The following EDF1 variants were observed in gnomAD, a reference collection of about 807,000 sequenced individuals.
EDF1 encodes endothelial differentiation-related factor 1.
Under a neutral mutation model 20.8 loss-of-function variants are expected in EDF1, and 5 were observed. The ratio of observed to expected loss-of-function variants is 0.24; its 90% CI spans 0.13 to 0.51. The LOEUF (loss-of-function observed/expected upper bound fraction) is 0.51, where lower values mean the gene tolerates loss of function less well. Among genes scored for constraint, EDF1 ranks in the 20% least tolerant of loss-of-function variants. The pLI is 0.97. For missense variants in EDF1, 137 were observed against 197.8 expected (o/e 0.69, Z 1.84); for synonymous variants, 96 against 78.5 (o/e 1.22, Z -1.18).
In EDF1 at chr9:136,863,031, C is replaced by G. The variant is rs1468398189; in HGVS notation, c.292-32G>C. 2.5e-6 allele frequency: 4 copies of G among 1,612,594 alleles called. No individual in the cohort carries two copies. In the East Asian group the frequency reaches 8.9e-5, roughly 36 times the overall value. On this transcript the variant is annotated intron_variant, in intron 3 of 4. Coordinates refer to ENST00000224073, the MANE Select transcript of EDF1 (RefSeq NM_003792.4). The surrounding 1 kb of genome is among the most constrained non-coding windows in gnomAD (Gnocchi z 4.5). Reference sequence around the variant, plus strand: ...AGAAGATGTGCTTTATACACATCAGCTCCACTAGGACTGCTGCAAAACCAG... The same window carrying G: ...AGAAGATGTGCTTTATACACATCAGGTCCACTAGGACTGCTGCAAAACCAG...
intron 1 of EDF1, among the ~76,000 whole-genome samples, chr9:136,865,217 A>G (rs1849191390): frequency 6.6e-6 from 1 of 152,074 alleles, no homozygotes; most frequent in Non-Finnish European, 1.5e-5. Flanking sequence ...TGTCCTCCCT[A>G]TTACATCAGA....
In EDF1 at chr9:136,862,397, C is replaced by G. The variant is rs778990964; in HGVS notation, c.386-52G>C. On this transcript the variant is annotated intron_variant, in intron 4 of 4. Transcript: ENST00000224073. This position sits in a 1 kb window ranked among gnomAD's most constrained non-coding sequence, Gnocchi z 4.1. Reference sequence around the variant, plus strand: ...CTGCAGCACCAGCTCCCTCCTCCCCCCAACGCTGCCCCTCTTCAACATCTT... The same window carrying G: ...CTGCAGCACCAGCTCCCTCCTCCCCGCAACGCTGCCCCTCTTCAACATCTT... 177 of 1,613,840 alleles carry G rather than the reference C, an allele frequency of 1.1e-4. No individual in the cohort carries two copies. The highest frequency in any genetic ancestry group is 2.2e-4 in the South Asian group (20 of 91,090).
In EDF1 at chr9:136,863,462, G is replaced by T; in HGVS notation, c.131-14C>A. ...GGCCAGCAGCCCCTGGAGTCGGTGT[G>T]AGGCAAAAGCAGAGGAGAGGATTTG... On this transcript the variant is annotated splice_polypyrimidine_tract_variant and intron_variant, in intron 2 of 4. Coordinates refer to ENST00000224073, the MANE Select transcript of EDF1 (RefSeq NM_003792.4). The surrounding 1 kb of genome is among the most constrained non-coding windows in gnomAD (Gnocchi z 4.5). 2 of 1,609,204 alleles carry T rather than the reference G, an allele frequency of 1.2e-6. No homozygotes were observed. The highest frequency in any genetic ancestry group is 1.7e-6 in the Non-Finnish European group (2 of 1,176,436).
In EDF1 at chr9:136,866,240, C is replaced by G; in HGVS notation, c.19G>C (p.Asp7His). 1.9e-6 allele frequency: 3 copies of G among 1,600,476 alleles called. No individual in the cohort carries two copies. Among genetic ancestry groups the G allele is most frequent in the Non-Finnish European group, 2.6e-6 (3 of 1,175,514 alleles). ...TTCTTGCGCAGCACCGTCACCGTGT[C>G]CCAGTCGCTCTCGGCCATGGCGGGC... Reference protein sequence around the residue: MAESDWDTVTVLRKKGP... With the variant: MAESDWHTVTVLRKKGP... The change falls in exon 1 of 5, where the codon GAC becomes CAC. Residue 7 changes from aspartate (D) to histidine (H), a missense_variant. Physicochemically the swap from Asp to His is moderately conservative, Grantham distance 81. Transcript: ENST00000224073.
rs779945598 is a variant in EDF1 at position 136,863,320 on chromosome 9, T to C, written c.259A>G (p.Ser87Gly). The change falls in exon 3 of 5, where the codon AGC becomes GGC. Residue 87 changes from serine (S) to glycine (G), a missense_variant. Ser to Gly is a moderately conservative substitution (Grantham distance 56). Coordinates refer to ENST00000224073, the MANE Select transcript of EDF1 (RefSeq NM_003792.4). The surrounding 1 kb of genome is among the most constrained non-coding windows in gnomAD (Gnocchi z 4.5). ...AGGTCCTTCTGCGTAAGCCCCTTGC[T>C]CTGCCGACCTTGCTGGATCACCTTG... ...VGKVIQQGRQ[S>G]KGLTQKDLAT... 6.2e-7 allele frequency: 1 copy of C among 1,613,874 alleles called. No homozygotes were observed. Among genetic ancestry groups the C allele is most frequent in the Non-Finnish European group, 8.5e-7 (1 of 1,179,996 alleles).
chr9:136,863,809 C>A lies in EDF1; in HGVS notation c.130+11G>T, dbSNP rs1849160424. On this transcript the variant is annotated intron_variant, in intron 2 of 4. Coordinates refer to ENST00000224073, the MANE Select transcript of EDF1 (RefSeq NM_003792.4). The surrounding 1 kb of genome is among the most constrained non-coding windows in gnomAD (Gnocchi z 4.5). ...CAGCCTCATGTTGCAAGCGGAAACA[C>A]AAGTACCTACATTTCTTGGAAGTCT... 6.2e-7 allele frequency: 1 copy of A among 1,613,800 alleles called. No individual in the cohort carries two copies. The highest frequency in any genetic ancestry group is 1.3e-5 in the African/African-American group (1 of 74,924).
chr9:136,866,080 A>T, intron 1 of EDF1, 101 bp downstream of exon 1: 1 of 1,060,382 alleles, frequency 9.4e-7, no homozygotes, highest in Non-Finnish European at 1.2e-6. Flanking sequence ...GCCCTGTCCC[A>T]GGCCCCGCCT....
chr9:136,866,080 A>C (rs1588402710), intron 1 of EDF1, 101 bp downstream of exon 1: 3 of 1,060,388 alleles, frequency 2.8e-6, no homozygotes, highest in Non-Finnish European at 1.2e-6. Context: ...GCCCTGTCCC[A>C]GGCCCCGCCT....
chr9:136,862,690 A>C lies in EDF1; in HGVS notation c.385+216T>G, dbSNP rs1849128109. ...TGACGGGAACTGGCAAGGGGAAGGG[A>C]CTCGGACTCCACTTGCTCTTAGGGG... On this transcript the variant is annotated intron_variant, in intron 4 of 4. Transcript: ENST00000224073. This position sits in a 1 kb window ranked among gnomAD's most constrained non-coding sequence, Gnocchi z 4.1. 1 of 1,495,086 alleles carries C rather than the reference A, an allele frequency of 6.7e-7. No homozygotes were observed. Among genetic ancestry groups the C allele is most frequent in the Non-Finnish European group, 8.9e-7 (1 of 1,129,346 alleles). The allele number at this position is 1,495,086 out of a possible 1,614,324, so 92.6% of individuals were successfully genotyped here. A position where few individuals can be genotyped will look rare whatever the true frequency, so the allele number is the denominator to read the frequency against.
In EDF1 at chr9:136,863,331, T is replaced by C. The variant is rs1849148230; in HGVS notation, c.248A>G (p.Gln83Arg). Reference protein sequence around the residue: ...VTLEVGKVIQQGRQSKGLTQK... With the variant: ...VTLEVGKVIQRGRQSKGLTQK... ...CGTAAGCCCCTTGCTCTGCCGACCTTGCTGGATCACCTTGCCCACCTCCAG... is the reference window on the plus strand; with the variant it reads ...CGTAAGCCCCTTGCTCTGCCGACCTCGCTGGATCACCTTGCCCACCTCCAG... The change falls in exon 3 of 5, where the codon CAA becomes CGA. Residue 83 changes from glutamine to arginine, a missense_variant. By Grantham distance (43) the Gln-to-Arg change is conservative (BLOSUM62 1). Coordinates refer to ENST00000224073, the MANE Select transcript of EDF1 (RefSeq NM_003792.4). This position sits in a 1 kb window ranked among gnomAD's most constrained non-coding sequence, Gnocchi z 4.5. 1 of 1,613,988 alleles carries C rather than the reference T, an allele frequency of 6.2e-7. No homozygotes were observed. The highest frequency in any genetic ancestry group is 2.2e-5 in the East Asian group (1 of 44,882).
In EDF1 at chr9:136,863,229, C is replaced by T. The variant is rs1249439894; in HGVS notation, c.291+59G>A. On this transcript the variant is annotated intron_variant, in intron 3 of 4. Coordinates refer to ENST00000224073, the MANE Select transcript of EDF1 (RefSeq NM_003792.4). This position sits in a 1 kb window ranked among gnomAD's most constrained non-coding sequence, Gnocchi z 4.5. ...CACCCTCCCCGTGCTATCTGAACAC[C>T]GGCCATCCCCCTCCCCAAACCCACA... The T allele has an allele frequency of 1.6e-5, 26 of 1,578,698 alleles. No individual in the cohort carries two copies. The highest frequency in any genetic ancestry group is 2.2e-4 in the Middle Eastern group (1 of 4,480).
chr9:136,862,978 C>A lies in EDF1; in HGVS notation c.313G>T (p.Val105Leu), dbSNP rs1278278149. The change falls in exon 4 of 5, where the codon GTG (valine) becomes TTG (leucine). Residue 105 changes from valine to leucine, a missense_variant. Coordinates refer to ENST00000224073, the MANE Select transcript of EDF1 (RefSeq NM_003792.4). This position sits in a 1 kb window ranked among gnomAD's most constrained non-coding sequence, Gnocchi z 4.1. ...CGTCCGCTCTCATAGTCCGCGATCA[C>A]CTGTGGCTTCTCATTGATTTTCTAA... is the stretch of plus-strand genomic sequence containing the variant. ...LATKINEKPQ[V>L]IADYESGRAI... The A allele has an allele frequency of 6.2e-7, 1 of 1,614,038 alleles. No homozygotes were observed. The highest frequency in any genetic ancestry group is 1.3e-5 in the African/African-American group (1 of 75,078).
At position 136,866,303 on chromosome 9, in the gene EDF1, C is replaced by G; in HGVS notation, c.-45G>C. On this transcript the variant is annotated 5_prime_UTR_variant, in exon 1 of 5. Transcript: ENST00000224073. ...CCGTCCGGCGGCTCAGCGGCAGCTG[C>G]TAGAGACCTGGCGCGGCGACGCTAC... is the stretch of plus-strand genomic sequence containing the variant. The G allele has an allele frequency of 6.3e-7, 1 of 1,581,148 alleles. No individual in the cohort carries two copies. The highest frequency in any genetic ancestry group is 2.4e-5 in the East Asian group (1 of 42,208).
Position 136,863,133 on chromosome 9 carries a change from AG to A in EDF1, c.292-135del. On this transcript the variant is annotated intron_variant, in intron 3 of 4. Coordinates refer to ENST00000224073, the MANE Select transcript of EDF1 (RefSeq NM_003792.4). The surrounding 1 kb of genome is among the most constrained non-coding windows in gnomAD (Gnocchi z 4.5). ...CCCACACGCAGCTGGGTTTTGTGCG[AG>A]AGGCAGTGAGAGCCGGGCTGACCTG... 6.6e-7 allele frequency: 1 copy of A among 1,505,206 alleles called. No individual in the cohort carries two copies. The highest frequency in any genetic ancestry group is 9.1e-7 in the Non-Finnish European group (1 of 1,104,396). The allele number at this position is 1,505,206 out of a possible 1,614,324, so 93.2% of individuals were successfully genotyped here.
At position 136,863,616 on chromosome 9, in the gene EDF1, C is replaced by G. The variant is rs1356725271; in HGVS notation, c.131-168G>C. Among the ~76,000 whole-genome samples the G allele has an allele frequency of 1.3e-5, 2 of 152,180 alleles. No homozygotes were observed. The highest frequency in any genetic ancestry group is 4.8e-5 in the African/African-American group (2 of 41,438). Reference sequence around the variant, plus strand: ...TCAGGTCGTGGACTTCCAGAGTTTTCTCTCAGTTATGAGGACAGGCAGCTG... The same window carrying G: ...TCAGGTCGTGGACTTCCAGAGTTTTGTCTCAGTTATGAGGACAGGCAGCTG... On this transcript the variant is annotated intron_variant, in intron 2 of 4. Coordinates refer to ENST00000224073, the MANE Select transcript of EDF1 (RefSeq NM_003792.4). The surrounding 1 kb of genome is among the most constrained non-coding windows in gnomAD (Gnocchi z 4.5).
In EDF1 at chr9:136,863,962, A is replaced by G; in HGVS notation, c.79-91T>C. On this transcript the variant is annotated intron_variant, in intron 1 of 4. Coordinates refer to ENST00000224073, the MANE Select transcript of EDF1 (RefSeq NM_003792.4). The surrounding 1 kb of genome is among the most constrained non-coding windows in gnomAD (Gnocchi z 4.5). ...AGGCCTGCTGTTAGCCAGTTAGCAC[A>G]CTGCTAAGGACTAGTGGTGCCCAAG... 2.3e-6 allele frequency: 3 copies of G among 1,327,338 alleles called. No homozygotes were observed. The highest frequency in any genetic ancestry group is 1.2e-5 in the South Asian group (1 of 83,048). The allele number at this position is 1,327,338 out of a possible 1,614,324, so 82.2% of individuals were successfully genotyped here.
Position 136,862,941 on chromosome 9 carries a change from T to C in EDF1, c.350A>G (p.Asn117Ser). 1 of 1,613,988 alleles carries C rather than the reference T, an allele frequency of 6.2e-7. No homozygotes were observed. The highest frequency in any genetic ancestry group is 8.5e-7 in the Non-Finnish European group (1 of 1,180,022). Residue 117 changes from asparagine to serine, a missense_variant, in exon 4 of 5, where the codon AAT becomes AGT. By Grantham distance (46) the Asn-to-Ser change is conservative. Coordinates refer to ENST00000224073, the MANE Select transcript of EDF1 (RefSeq NM_003792.4). The surrounding 1 kb of genome is among the most constrained non-coding windows in gnomAD (Gnocchi z 4.1). ...CTCGATTTTGCCAAGCACCTGGTTA[T>C]TGGGTATGGCCCGTCCGCTCTCATA... The part of the protein sequence containing the change: ...ADYESGRAIP[N>S]NQVLGKIERA...
rs45499202 is a variant in EDF1 at position 136,863,763 on chromosome 9, C to G, written c.130+57G>C. 8.9e-3 allele frequency: 14,326 copies of G among 1,604,446 alleles called. 254 individuals carry two copies. The highest frequency in any genetic ancestry group is 0.072 in the Admixed American group (4,304 of 59,962). ...GGGGCGCCGCACACACCACACCCAC[C>G]AGCACATGGACCCCACAGCACAGCC... On this transcript the variant is annotated intron_variant, in intron 2 of 4. Transcript: ENST00000224073. The surrounding 1 kb of genome is among the most constrained non-coding windows in gnomAD (Gnocchi z 4.5).
Position 136,862,806 on chromosome 9 carries a change from G to A in EDF1, c.385+100C>T. 1.2e-6 allele frequency: 2 copies of A among 1,610,066 alleles called. No individual in the cohort carries two copies. Among genetic ancestry groups the A allele is most frequent in the African/African-American group, 1.3e-5 (1 of 74,956 alleles). ...GAATTCAGAGAACAGGGGACCCCCA[G>A]GGCCATCTTCTTCCCCCGAGTCCCA... On this transcript the variant is annotated intron_variant, in intron 4 of 4. Transcript: ENST00000224073. This position sits in a 1 kb window ranked among gnomAD's most constrained non-coding sequence, Gnocchi z 4.1.
Sources: allele counts gnomAD v4.1 joint callset (sites outside exome capture counted in the v4.1 genomes callset), GRCh38; gene constraint gnomAD v4.1.1; non-coding constraint Gnocchi (gnomAD v3.1); transcripts MANE v1.5; gene names NCBI Gene and HGNC (gene_info 2026-07-23, HGNC 2026-07-21).